SLC5A4: variants seen among roughly 807,000 people sequenced by gnomAD.
SLC5A4 encodes probable glucose sensor protein SLC5A4.
A neutral mutation model predicts 70.3 loss-of-function variants in SLC5A4; 55 were observed. The ratio of observed to expected loss-of-function variants is 0.78; its 90% confidence interval spans 0.63 to 0.98. The LOEUF is 0.98. Among genes scored for constraint, SLC5A4 ranks in the 50% least tolerant of loss-of-function variants. The pLI is 0.00. For missense variants in SLC5A4, 735 were observed against 839.2 expected (o/e 0.88, Z 1.53); for synonymous variants, 268 against 305.7 (o/e 0.88, Z 1.29).
At chr22:32,301,796 T>C in the SLC5A4 span, among the ~76,000 whole-genome samples, 1 of 151,586 alleles carries the variant, frequency 6.6e-6, no homozygotes, top group Non-Finnish European at 1.5e-5. Context: ...AGAATGGTAC[T>C]GGCATAAGAA....
the SLC5A4 span, among the ~76,000 whole-genome samples, chr22:32,294,376 A>G: frequency 1.3e-5 from 2 of 148,536 alleles, no homozygotes; most frequent in Admixed American, 6.8e-5. Flanking sequence ...GCATATGCAC[A>G]TGCAATTGTG....
chr22:32,234,778 T>C, intron 8 of SLC5A4, 95 bp downstream of exon 8: 1 of 924,988 alleles, frequency 1.1e-6, no homozygotes, highest in Non-Finnish European at 1.7e-6. Context: ...AAACTAAATG[T>C]TTTTCTATGA....
At chr22:32,309,893 T>C in the SLC5A4 span, among the ~76,000 whole-genome samples, 4 of 147,810 alleles carry the variant, frequency 2.7e-5, no homozygotes, top group South Asian at 2.2e-4. Flanking sequence ...ATCTATACCA[T>C]GTGTGCTGGG....
intron 5 of SLC5A4, among the ~76,000 whole-genome samples, chr22:32,244,274 C>T (rs1236179396): frequency 6.6e-6 from 1 of 152,198 alleles, no homozygotes; most frequent in Admixed American, 6.5e-5. Flanking sequence ...AGAGTGTTAC[C>T]TGTGGAGGTG....
chr22:32,302,270 G>A, the SLC5A4 span, among the ~76,000 whole-genome samples: 1 of 141,572 alleles, frequency 7.1e-6, no homozygotes, highest in African/African-American at 2.6e-5. Context: ...TTTGTGTCTA[G>A]CTACTAGTCC....
At chr22:32,269,769 C>A in the SLC5A4 span, 476,794 of 675,130 alleles carry the variant, frequency 0.71, 171,151 homozygotes, top group African/African-American at 0.85. This position sits in a 1 kb window ranked among gnomAD's most constrained non-coding sequence, Gnocchi z 4.1. Context: ...TGTGTGAATC[C>A]CCCTGGACTG....
the SLC5A4 span, chr22:32,271,324 G>T: frequency 1.4e-6 from 1 of 738,216 alleles, no homozygotes; most frequent in Non-Finnish European, 2.4e-6. Context: ...GTGCCAGGAG[G>T]AGCTGCCTCT....
the SLC5A4 span, among the ~76,000 whole-genome samples, chr22:32,313,123 A>C: frequency 2.6e-5 from 4 of 152,256 alleles, no homozygotes; most frequent in Non-Finnish European, 5.9e-5. Flanking sequence ...TAACTTACAT[A>C]GAAAATTTAA....
chr22:32,249,807 T>C (rs1029898001), intron 3 of SLC5A4, among the ~76,000 whole-genome samples: 1 of 152,246 alleles, frequency 6.6e-6, no homozygotes, highest in Admixed American at 6.5e-5. Context: ...TGTCCAGCCT[T>C]GTGCTAGAGC....
intron 5 of SLC5A4, among the ~76,000 whole-genome samples, chr22:32,242,185 A>G (rs957793418): frequency 6.6e-6 from 1 of 152,162 alleles, no homozygotes; most frequent in African/African-American, 2.4e-5. Context: ...CCCAATAAGC[A>G]CACTTAGCAC....
At chr22:32,238,748 G>A (rs1476301670) in intron 6 of SLC5A4, among the ~76,000 whole-genome samples, 1 of 152,134 alleles carries the variant, frequency 6.6e-6, no homozygotes, top group Non-Finnish European at 1.5e-5. Flanking sequence ...CAAATGACCT[G>A]TTTCCTACCC....
chr22:32,240,256 C>G (rs1363758075), intron 5 of SLC5A4, among the ~76,000 whole-genome samples: 1 of 152,008 alleles, frequency 6.6e-6, no homozygotes, highest in Non-Finnish European at 1.5e-5. Flanking sequence ...TTACATGTGT[C>G]TCTGACCCTC....
intron 13 of SLC5A4, among the ~76,000 whole-genome samples, chr22:32,223,158 T>A (rs919624740): frequency 6.6e-6 from 1 of 152,252 alleles, no homozygotes; most frequent in Non-Finnish European, 1.5e-5. Flanking sequence ...CTGCATAATG[T>A]TCAGTGCCCT....
At chr22:32,303,233 C>T in the SLC5A4 span, among the ~76,000 whole-genome samples, 2 of 152,172 alleles carry the variant, frequency 1.3e-5, no homozygotes, top group Non-Finnish European at 2.9e-5. Flanking sequence ...TTTAGGGAGA[C>T]ATGAGACATC....
intron 3 of SLC5A4, among the ~76,000 whole-genome samples, chr22:32,250,772 G>A (rs1358555678): frequency 1.3e-5 from 2 of 152,048 alleles, no homozygotes; most frequent in Non-Finnish European, 2.9e-5. Context: ...ATACTACACA[G>A]CCATAAAAAA....
the SLC5A4 span, among the ~76,000 whole-genome samples, chr22:32,287,002 G>T: frequency 6.6e-6 from 1 of 152,202 alleles, no homozygotes; most frequent in Admixed American, 6.5e-5. Context: ...CCATGATATT[G>T]TGTGTGAGAG....
At chr22:32,310,751 C>A in the SLC5A4 span, among the ~76,000 whole-genome samples, 1 of 152,228 alleles carries the variant, frequency 6.6e-6, no homozygotes, top group Non-Finnish European at 1.5e-5. Context: ...GTCTTCTCAT[C>A]CATAAAATGG....
rs781263610 is a variant in SLC5A4 at position 32,231,080 on chromosome 22, G to A, written c.1022-5C>T. ...GTACCACACATGCTACCATATCTGG[G>A]GAAGAATTCAGAAGTGAGTCCAATG... On this transcript the variant is annotated splice_polypyrimidine_tract_variant and splice_region_variant and intron_variant, in intron 9 of 14. Coordinates refer to ENST00000266086, the MANE Select transcript of SLC5A4 (RefSeq NM_014227.3). 5 of 1,599,004 alleles carry A rather than the reference G, an allele frequency of 3.1e-6. No individual in the cohort carries two copies. Among genetic ancestry groups the A allele is most frequent in the African/African-American group, 1.3e-5 (1 of 74,592 alleles).
chr22:32,340,735 T>C, the SLC5A4 span, among the ~76,000 whole-genome samples: 3 of 152,092 alleles, frequency 2.0e-5, no homozygotes, highest in Admixed American at 1.3e-4. Flanking sequence ...CAAGTGCCAG[T>C]GTCGGGAGAT....
Sources: allele counts gnomAD v4.1 joint callset (sites outside exome capture counted in the v4.1 genomes callset), GRCh38; gene constraint gnomAD v4.1.1; non-coding constraint Gnocchi (gnomAD v3.1); transcripts MANE v1.5; gene names NCBI Gene and HGNC (gene_info 2026-07-23, HGNC 2026-07-21).